GRID2: variants seen among roughly 807,000 people sequenced by gnomAD.
GRID2 encodes the protein glutamate receptor ionotropic, delta-2.
GRID2 carries 33 observed loss-of-function variants against 114.8 expected under a neutral mutation model. The observed-to-expected ratio is 0.29, with a 90% confidence interval of 0.22 to 0.38. GRID2 has a LOEUF of 0.38. Ranked by LOEUF, GRID2 falls within the 10% of genes least tolerant of loss-of-function variation. The pLI is 1.00. For synonymous variants in GRID2, 505 were observed against 449.9 expected (o/e 1.12, Z -1.55); for missense variants, 1,184 against 1,257.7 (o/e 0.94, Z 0.89).
In GRID2 at chr4:93,007,925, C is replaced by G. The variant is rs1484345420; in HGVS notation, c.245-77070C>G. ...CCATCATGGTGGGCACCTATAATCCCAGCTACTCAGGAGACTGAGGCAGGA... is the reference window on the plus strand; with the variant it reads ...CCATCATGGTGGGCACCTATAATCCGAGCTACTCAGGAGACTGAGGCAGGA... On this transcript the variant is annotated intron_variant, in intron 2 of 15. Coordinates refer to ENST00000282020, the MANE Select transcript of GRID2 (RefSeq NM_001510.4). 2.0e-5 allele frequency among the ~76,000 whole-genome samples: 3 copies of G among 151,094 alleles called. No individual in the cohort carries two copies. In the East Asian group the frequency reaches 5.9e-4, roughly 30 times the overall value.
intron 2 of GRID2, among the ~76,000 whole-genome samples, chr4:92,796,416 G>C (rs754363815): frequency 6.6e-6 from 1 of 151,880 alleles, no homozygotes; most frequent in Non-Finnish European, 1.5e-5. Context: ...CAGCCTTCTT[G>C]TACAACCGAA....
chr4:93,450,476 A>G (rs1202778908), intron 10 of GRID2, among the ~76,000 whole-genome samples: 1 of 151,904 alleles, frequency 6.6e-6, no homozygotes, highest in Non-Finnish European at 1.5e-5. Context: ...TTACCAATAT[A>G]ATGTTCTTAG....
At chr4:92,740,803 G>C (rs1050680230) in intron 2 of GRID2, among the ~76,000 whole-genome samples, 4 of 152,090 alleles carry the variant, frequency 2.6e-5, no homozygotes, top group African/African-American at 9.7e-5. Flanking sequence ...CTAGAGTGCA[G>C]TGGAGCGATC....
At chr4:93,719,399 A>G (rs1247106636) in intron 14 of GRID2, among the ~76,000 whole-genome samples, 3 of 152,162 alleles carry the variant, frequency 2.0e-5, no homozygotes, top group African/African-American at 7.2e-5. Flanking sequence ...TTTCAATCCA[A>G]GGGACTTTTT....
intron 2 of GRID2, among the ~76,000 whole-genome samples, chr4:93,022,200 G>C (rs921373071): frequency 1.3e-5 from 2 of 151,200 alleles, no homozygotes; most frequent in Non-Finnish European, 3.0e-5. Flanking sequence ...TCATACATAC[G>C]CATATACACA....
rs925087247 is a variant in GRID2, at chr4:93,608,881, C to T, written c.2194-17388C>T. ...TTCTAGTTCTAGATCCCTGAGGAAT[C>T]GCCACACTGACTTCCACAATGGTTG... On this transcript the variant is annotated intron_variant, in intron 13 of 15. Transcript: ENST00000282020. Among the ~76,000 whole-genome samples, 24 of 132,152 alleles carry T rather than the reference C, an allele frequency of 1.8e-4. 3 individuals carry two copies. The highest frequency in any genetic ancestry group is 5.2e-4 in the South Asian group (2 of 3,862). The allele number at this position is 132,152 out of a possible 152,430, so 86.7% of individuals were successfully genotyped here. A position where few individuals can be genotyped will look rare whatever the true frequency, so the allele number is the denominator to read the frequency against.
At chr4:93,160,948 G>C (rs1043489572) in intron 4 of GRID2, among the ~76,000 whole-genome samples, 2 of 151,626 alleles carry the variant, frequency 1.3e-5, no homozygotes, top group African/African-American at 4.8e-5. Flanking sequence ...CTGAATGATG[G>C]CCAAGAAAAA....
chr4:93,200,748 T>G lies in GRID2; in HGVS notation c.736-6656T>G, dbSNP rs187166395. Among the ~76,000 whole-genome samples the G allele has an allele frequency of 4.5e-3, 687 of 152,310 alleles. 8 individuals are homozygous for G. Among genetic ancestry groups the G allele is most frequent in the Non-Finnish European group, 6.7e-3 (457 of 68,014 alleles). ...ATTCCTTCTGGTATTTCAGTAAAAT[T>G]TTAGAACCTTTAGAAATGTGTGGCT... On this transcript the variant is annotated intron_variant, in intron 4 of 15. Coordinates refer to ENST00000282020, the MANE Select transcript of GRID2 (RefSeq NM_001510.4).
intron 1 of GRID2, among the ~76,000 whole-genome samples, chr4:92,310,002 A>G (rs564322310): frequency 1.9e-4 from 28 of 151,130 alleles, no homozygotes; most frequent in African/African-American, 4.6e-4. Context: ...AGTTGTGGGG[A>G]AAAAAAAACA....
intron 1 of GRID2, among the ~76,000 whole-genome samples, chr4:92,499,172 T>C (rs967173714): frequency 6.6e-6 from 1 of 152,046 alleles, no homozygotes; most frequent in Non-Finnish European, 1.5e-5. Context: ...TTGATGAAGT[T>C]ATTGATTACA....
chr4:92,505,633 G>A (rs7669114), intron 1 of GRID2, among the ~76,000 whole-genome samples: 8,668 of 151,924 alleles, frequency 0.057, 279 homozygotes, highest in East Asian at 0.084. Context: ...GAGTTGTGAG[G>A]TGACAAGGAA....
At chr4:93,123,096 TA>T (rs1733945788) in intron 4 of GRID2, among the ~76,000 whole-genome samples, 2 of 152,022 alleles carry the variant, frequency 1.3e-5, no homozygotes, top group Non-Finnish European at 2.9e-5. Context: ...CCAATGAGTC[TA>T]AACTTCCAAA....
chr4:93,021,210 A>G (rs1255853282), intron 2 of GRID2, among the ~76,000 whole-genome samples: 2 of 151,876 alleles, frequency 1.3e-5, no homozygotes, highest in Non-Finnish European at 2.9e-5. Flanking sequence ...ATTCATGAAA[A>G]TAACTGGAGC....
intron 1 of GRID2, among the ~76,000 whole-genome samples, chr4:92,549,756 A>G (rs1215490677): frequency 6.6e-6 from 1 of 152,164 alleles, no homozygotes; most frequent in Non-Finnish European, 1.5e-5. Context: ...CTTAAAAAAG[A>G]TGATGCCCGT....
intron 3 of GRID2, among the ~76,000 whole-genome samples, chr4:93,107,898 C>CT (rs924802740): frequency 2.0e-5 from 3 of 152,132 alleles, no homozygotes; most frequent in Non-Finnish European, 4.4e-5. Context: ...CTACTTGAAA[C>CT]TTTCAATAGA....
At chr4:93,040,480 T>C (rs1213505144) in intron 2 of GRID2, among the ~76,000 whole-genome samples, 1 of 152,140 alleles carries the variant, frequency 6.6e-6, no homozygotes, top group East Asian at 1.9e-4. Flanking sequence ...GTAAAGTGTA[T>C]TCTTTTTCTT....
At chr4:93,446,007 A>C (rs571998197) in intron 10 of GRID2, among the ~76,000 whole-genome samples, 70 of 152,006 alleles carry the variant, frequency 4.6e-4, no homozygotes, top group Non-Finnish European at 6.8e-4. Context: ...ACTCCTAAGA[A>C]ATTTCTGTTT....
chr4:92,724,952 A>G (rs1226780748), intron 2 of GRID2, among the ~76,000 whole-genome samples: 3 of 152,168 alleles, frequency 2.0e-5, no homozygotes, highest in African/African-American at 7.2e-5. Flanking sequence ...CTAGGTAGAC[A>G]TGATTGACAG....
intron 8 of GRID2, among the ~76,000 whole-genome samples, chr4:93,373,478 C>T (rs927184249): frequency 6.6e-6 from 1 of 152,022 alleles, no homozygotes; most frequent in African/African-American, 2.4e-5. Context: ...TTATCTTATT[C>T]TTATTTATTG....
Sources: allele counts gnomAD v4.1 joint callset (sites outside exome capture counted in the v4.1 genomes callset), GRCh38; gene constraint gnomAD v4.1.1; transcripts MANE v1.5; gene names NCBI Gene and HGNC (gene_info 2026-07-23, HGNC 2026-07-21).